Variants in MID1 observed in about 807,000 individuals in gnomAD.
MID1 encodes midline 1, also known as E3 ubiquitin-protein ligase Midline-1.
A neutral mutation model predicts 40.4 loss-of-function variants in MID1; 7 were observed. The ratio of observed to expected loss-of-function variants is 0.17; its 90% CI spans 0.10 to 0.33. The LOEUF (loss-of-function observed/expected upper bound fraction) is 0.33, where lower values mean the gene tolerates loss of function less well. Among genes scored for constraint, MID1 ranks in the 10% least tolerant of loss-of-function variants. The pLI, the probability that MID1 is intolerant of heterozygous loss-of-function variation, is 1.00. For synonymous variants in MID1, 229 were observed against 221.2 expected (o/e 1.04, Z -0.31); for missense variants, 367 against 558.5 (o/e 0.66, Z 3.46).
intron 3 of MID1, among the ~76,000 whole-genome samples, chrX:10,515,785 C>T (rs1389427604): frequency 8.9e-6 from 1 of 111,980 alleles, no homozygotes; most frequent in Admixed American, 9.5e-5. Flanking sequence ...ATTTCCAAAA[C>T]GAACATCTAT....
At chrX:10,736,780 C>T (rs916202018) in intron 1 of MID1, among the ~76,000 whole-genome samples, 57 of 112,358 alleles carry the variant, frequency 5.1e-4, no homozygotes, top group African/African-American at 1.7e-3. Flanking sequence ...TTAAATCTAA[C>T]TTAACCTAAA....
At chrX:10,587,012 A>G (rs1040651158) in intron 1 of MID1, among the ~76,000 whole-genome samples, 1 of 112,719 alleles carries the variant, frequency 8.9e-6, no homozygotes, top group African/African-American at 3.2e-5. Flanking sequence ...ACTGTCATCT[A>G]CCAAAATATT....
chrX:10,725,934 C>G lies in MID1; in HGVS notation c.-186-105515G>C, dbSNP rs1047014713. ...ACAGACAATAAACTTGGCTGAGTAC[C>G]CAAATAAGTTTTCTTTCCTTCACTG... On this transcript the variant is annotated intron_variant, in intron 1 of 10. Transcript: ENST00000380785. Among the ~76,000 whole-genome samples the G allele has an allele frequency of 1.9e-4, 21 of 111,825 alleles. 1 individual carries two copies. The highest frequency in any genetic ancestry group is 1.0e-3 in the Admixed American group (11 of 10,555).
At chrX:10,551,249 C>T (rs772608905) in intron 2 of MID1, among the ~76,000 whole-genome samples, 1 of 112,181 alleles carries the variant, frequency 8.9e-6, no homozygotes, top group Non-Finnish European at 1.9e-5. Context: ...TTTCAGTCCT[C>T]GGGTGGTAGA....
At chrX:10,626,311 CTATTATTAT>C (rs772195870) in intron 1 of MID1, among the ~76,000 whole-genome samples, 1,990 of 101,811 alleles carry the variant, frequency 0.02, 58 homozygotes, top group African/African-American at 0.065. Flanking sequence ...TCATATGAAA[CTATTATTAT>C]TATTATTATT....
At chrX:10,677,165 G>A (rs1053205531) in intron 1 of MID1, among the ~76,000 whole-genome samples, 1 of 111,658 alleles carries the variant, frequency 9.0e-6, no homozygotes, top group Non-Finnish European at 1.9e-5. Context: ...AAAAGTGATC[G>A]ATATGTACTA....
At chrX:10,798,349 T>C in intron 1 of MID1, among the ~76,000 whole-genome samples, 1 of 111,960 alleles carries the variant, frequency 8.9e-6, no homozygotes, top group South Asian at 3.7e-4. Context: ...TTGCTCATTA[T>C]TTTGGATTGC....
chrX:10,660,642 A>AT (rs914945629), intron 1 of MID1, among the ~76,000 whole-genome samples: 31 of 110,122 alleles, frequency 2.8e-4, no homozygotes, highest in Admixed American at 5.8e-4. Context: ...CTATTAACAC[A>AT]TTTTTTTTTC....
At chrX:10,709,908 T>C (rs1196373953) in intron 1 of MID1, among the ~76,000 whole-genome samples, 1 of 111,705 alleles carries the variant, frequency 9.0e-6, no homozygotes, top group Non-Finnish European at 1.9e-5. Flanking sequence ...CTGGAGAAGG[T>C]TGGAAGAGGG....
chrX:10,505,424 CAAT>C (rs781551988), intron 3 of MID1: 4 of 751,819 alleles, frequency 5.3e-6, no homozygotes, highest in Non-Finnish European at 6.3e-6. Context: ...CATTGAAAAA[CAAT>C]AAACTCCTCC....
rs1158132233 is a variant in MID1, at chrX:10,682,121, C to T, written c.-186-61702G>A. ...AGGAGTTCAAAACCAGCCTAAGCAACATAGTGAGACCCCATCTCAATAAAA... is the reference window on the plus strand; with the variant it reads ...AGGAGTTCAAAACCAGCCTAAGCAATATAGTGAGACCCCATCTCAATAAAA... On this transcript the variant is annotated intron_variant, in intron 1 of 10. Coordinates refer to the MID1 transcript ENST00000380785. Among the ~76,000 whole-genome samples the T allele has an allele frequency of 3.6e-5, 4 of 110,432 alleles. No homozygotes were observed. In the East Asian group the frequency reaches 1.1e-3, roughly 31 times the overall value.
intron 1 of MID1, among the ~76,000 whole-genome samples, chrX:10,698,721 A>AT (rs2043176488): frequency 9.9e-6 from 1 of 101,242 alleles, no homozygotes; most frequent in Non-Finnish European, 2.0e-5. Flanking sequence ...GCAAAAAAAA[A>AT]GAAGAAAAAG....
chrX:10,577,773 A>T (rs775399481), intron 1 of MID1, among the ~76,000 whole-genome samples: 3 of 91,183 alleles, frequency 3.3e-5, no homozygotes, highest in Non-Finnish European at 6.1e-5. Context: ...GGAAAGAAGT[A>T]ATCTTTTAAA....
At chrX:10,738,045 G>T (rs1318823704) in intron 1 of MID1, among the ~76,000 whole-genome samples, 1 of 111,000 alleles carries the variant, frequency 9.0e-6, no homozygotes, top group Admixed American at 9.6e-5. Flanking sequence ...GTGAGGTTGG[G>T]TACCCCTGTC....
chrX:10,712,998 G>A (rs753393603), intron 1 of MID1, among the ~76,000 whole-genome samples: 20 of 110,383 alleles, frequency 1.8e-4, no homozygotes, highest in Admixed American at 1.5e-3. Context: ...CACCACACCC[G>A]GCTAATTTTT....
chrX:10,566,518 TCTCC>T (rs1465923474), intron 2 of MID1, among the ~76,000 whole-genome samples: 2 of 90,023 alleles, frequency 2.2e-5, no homozygotes, highest in African/African-American at 1.2e-4. Context: ...TCTCCCTCTC[TCTCC>T]CTCTCTCTCC....
At chrX:10,831,875 A>G (rs2044255293) in intron 1 of MID1, among the ~76,000 whole-genome samples, 1 of 112,410 alleles carries the variant, frequency 8.9e-6, no homozygotes, top group South Asian at 3.7e-4. Flanking sequence ...CTATGTACAT[A>G]TCAACTCACA....
intron 2 of MID1, among the ~76,000 whole-genome samples, chrX:10,541,264 T>A (rs1933458241): frequency 1.8e-5 from 2 of 112,069 alleles, no homozygotes; most frequent in Non-Finnish European, 3.8e-5. Context: ...CAGGTGAAAT[T>A]AGCAGACACT....
chrX:10,779,996 T>G (rs751803247), intron 1 of MID1, among the ~76,000 whole-genome samples: 5 of 109,782 alleles, frequency 4.6e-5, no homozygotes, highest in Admixed American at 2.9e-4. Flanking sequence ...CTTGCTCTGT[T>G]GCCCAGGCTG....
Sources: allele counts gnomAD v4.1 joint callset (sites outside exome capture counted in the v4.1 genomes callset), GRCh38; gene constraint gnomAD v4.1.1; transcripts MANE v1.5; gene names NCBI Gene and HGNC (gene_info 2026-07-23, HGNC 2026-07-21).